ATP8A1: variants seen among roughly 807,000 people sequenced by gnomAD.
The protein encoded by ATP8A1 is ATPase phospholipid transporting 8A1.
ATP8A1 carries 90 observed loss-of-function variants against 177.7 expected under a neutral mutation model. That is an observed-to-expected ratio of 0.51 (90% CI 0.43 to 0.60). ATP8A1 has a LOEUF of 0.60. ATP8A1 is among the 20% of genes least tolerant of loss of function. ATP8A1 has a pLI of 0.00. For missense variants in ATP8A1, 1,072 were observed against 1,392.8 expected (o/e 0.77, Z 3.67); for synonymous variants, 493 against 485.9 (o/e 1.01, Z -0.19).
intron 9 of ATP8A1, among the ~76,000 whole-genome samples, chr4:42,584,639 T>C (rs528613085): frequency 1.7e-4 from 26 of 152,326 alleles, no homozygotes; most frequent in South Asian, 6.2e-4. Flanking sequence ...CAACATAACG[T>C]TGGAGGGTCT....
At chr4:42,468,689 G>C (rs1046115034) in intron 25 of ATP8A1, among the ~76,000 whole-genome samples, 2 of 152,034 alleles carry the variant, frequency 1.3e-5, no homozygotes, top group African/African-American at 4.8e-5. Flanking sequence ...GGGTGGGAGG[G>C]GGACTACAAA....
intron 22 of ATP8A1, among the ~76,000 whole-genome samples, chr4:42,508,775 A>G (rs1018891051): frequency 6.6e-6 from 1 of 151,858 alleles, no homozygotes; most frequent in Non-Finnish European, 1.5e-5. Context: ...TCTTGCCTTC[A>G]TTTTTTTTCC....
intron 7 of ATP8A1, 147 bp downstream of exon 7, chr4:42,590,664 T>C: frequency 1.5e-6 from 1 of 688,056 alleles, no homozygotes; most frequent in Non-Finnish European, 2.5e-6. Context: ...CTTTAAAACA[T>C]CTGTGAAATG....
chr4:42,441,512 T>C (rs571121104), intron 33 of ATP8A1, among the ~76,000 whole-genome samples: 1 of 152,276 alleles, frequency 6.6e-6, no homozygotes, highest in African/African-American at 2.4e-5. Flanking sequence ...AGAAATTGAA[T>C]ACAGCTACAA....
intron 19 of ATP8A1, among the ~76,000 whole-genome samples, chr4:42,544,828 A>T (rs1209404613): frequency 1.3e-5 from 2 of 152,204 alleles, no homozygotes; most frequent in African/African-American, 4.8e-5. Context: ...ATGGTATCAT[A>T]GTGTACAGTC....
intron 33 of ATP8A1, among the ~76,000 whole-genome samples, chr4:42,440,758 C>G (rs534159879): frequency 9.2e-5 from 14 of 152,294 alleles, no homozygotes; most frequent in Admixed American, 9.2e-4. Context: ...TCTATTCAGT[C>G]AACGTCCCTT....
intron 1 of ATP8A1, among the ~76,000 whole-genome samples, chr4:42,653,342 T>TTGTC (rs1741303158): frequency 6.6e-6 from 1 of 151,664 alleles, no homozygotes; most frequent in Non-Finnish European, 1.5e-5. Context: ...TGTGTGTGTT[T>TTGTC]TGTCTCCTGC....
intron 33 of ATP8A1, among the ~76,000 whole-genome samples, chr4:42,435,000 T>G (rs1408821790): frequency 6.6e-6 from 1 of 152,224 alleles, no homozygotes; most frequent in African/African-American, 2.4e-5. Flanking sequence ...TTTTAAATGC[T>G]GAAAAATATG....
chr4:42,428,498 C>G (rs547292982), intron 33 of ATP8A1, among the ~76,000 whole-genome samples: 2 of 152,340 alleles, frequency 1.3e-5, no homozygotes, highest in African/African-American at 4.8e-5. Flanking sequence ...TTAGCATCTT[C>G]ACATTTATCC....
intron 25 of ATP8A1, among the ~76,000 whole-genome samples, chr4:42,482,813 C>T (rs574826957): frequency 6.6e-6 from 1 of 152,178 alleles, no homozygotes; most frequent in Middle Eastern, 3.4e-3. Context: ...GAGAAGACTG[C>T]AGAGGAAGAT....
intron 5 of ATP8A1, among the ~76,000 whole-genome samples, chr4:42,604,849 A>G (rs1251021078): frequency 6.6e-6 from 1 of 152,244 alleles, no homozygotes. Flanking sequence ...TGCCATAAAA[A>G]TAATTTAAGT....
intron 6 of ATP8A1, among the ~76,000 whole-genome samples, chr4:42,596,326 A>G (rs1260712974): frequency 6.6e-6 from 1 of 152,204 alleles, no homozygotes; most frequent in Non-Finnish European, 1.5e-5. Context: ...TGCAACATCA[A>G]GGATTATGTA....
intron 1 of ATP8A1, among the ~76,000 whole-genome samples, chr4:42,651,684 T>C (rs1741111749): frequency 6.6e-6 from 1 of 152,186 alleles, no homozygotes; most frequent in South Asian, 2.1e-4. Flanking sequence ...CCTTTCACCC[T>C]TCCATTTTCT....
intron 18 of ATP8A1, 31 bp downstream of exon 18, chr4:42,551,167 T>A: frequency 6.4e-7 from 1 of 1,554,142 alleles, no homozygotes; most frequent in Non-Finnish European, 8.9e-7. Context: ...ATTACTTGGA[T>A]TAAAAAGAAC....
chr4:42,574,873 T>C (rs1732284048), intron 13 of ATP8A1, among the ~76,000 whole-genome samples, 166 bp from the exon 14 acceptor site: 1 of 152,212 alleles, frequency 6.6e-6, no homozygotes, highest in African/African-American at 2.4e-5. Context: ...TTTTAAAAAG[T>C]ATTTTACAAA....
At chr4:42,613,060 C>A (rs1736531577) in intron 5 of ATP8A1, among the ~76,000 whole-genome samples, 3 of 152,154 alleles carry the variant, frequency 2.0e-5, no homozygotes, top group African/African-American at 4.8e-5. Context: ...CCTATACACC[C>A]ACTTCTGCCT....
At chr4:42,551,043 T>A (rs1386354943) in intron 18 of ATP8A1, among the ~76,000 whole-genome samples, 155 bp downstream of exon 18, 1 of 152,186 alleles carries the variant, frequency 6.6e-6, no homozygotes, top group Non-Finnish European at 1.5e-5. Context: ...ATGAGATGTA[T>A]AAATGCCTAA....
At chr4:42,445,909 G>A (rs910403835) in intron 31 of ATP8A1, among the ~76,000 whole-genome samples, 1 of 151,702 alleles carries the variant, frequency 6.6e-6, no homozygotes, top group African/African-American at 2.4e-5. Context: ...GTGAAACCTT[G>A]TCTCTACTAA....
chr4:42,480,823 G>T (rs1721594784), intron 25 of ATP8A1, among the ~76,000 whole-genome samples: 1 of 152,136 alleles, frequency 6.6e-6, no homozygotes, highest in South Asian at 2.1e-4. Flanking sequence ...CTAAAAGGGG[G>T]TTAAACTTTG....
Sources: gnomAD v4.1 joint callset for allele counts (sites outside exome capture counted in the v4.1 genomes callset) on GRCh38, gnomAD v4.1.1 for gene constraint, MANE v1.5 for transcripts, NCBI Gene and HGNC (gene_info 2026-07-23, HGNC 2026-07-21) for gene names.